Variants in BMPR1B observed in about 807,000 individuals in gnomAD.
BMPR1B encodes bone morphogenetic protein receptor type 1B.
A neutral mutation model predicts 59.1 loss-of-function variants in BMPR1B; 12 were observed. That is an observed-to-expected ratio of 0.20 (90% confidence interval 0.13 to 0.33). The LOEUF (loss-of-function observed/expected upper bound fraction) is 0.33. Among genes scored for constraint, BMPR1B ranks in the 10% least tolerant of loss-of-function variants. The probability of loss-of-function intolerance (pLI) is 1.00; values close to 1 mark genes in which losing one functional copy is unlikely to be tolerated. For missense variants in BMPR1B, 550 were observed against 610.9 expected, an observed-to-expected ratio of 0.90 and a Z score of 1.05; for synonymous variants, 237 against 207.3, an observed-to-expected ratio of 1.14 and a Z score of -1.23.
At chr4:95,078,609 CT>C (rs1381738501) in intron 3 of BMPR1B, among the ~76,000 whole-genome samples, 4 of 152,180 alleles carry the variant, frequency 2.6e-5, no homozygotes, top group African/African-American at 9.7e-5. Context: ...AGCCCATGCA[CT>C]TTCTTCTGTA....
chr4:94,953,376 T>C (rs2149057379), intron 2 of BMPR1B, among the ~76,000 whole-genome samples: 1 of 152,324 alleles, frequency 6.6e-6, no homozygotes, highest in African/African-American at 2.4e-5. Flanking sequence ...TACATTTTGT[T>C]TTGTTTTTAC....
At chr4:95,143,445 T>C (rs1386854209) in intron 10 of BMPR1B, among the ~76,000 whole-genome samples, 3 of 152,054 alleles carry the variant, frequency 2.0e-5, no homozygotes, top group East Asian at 3.9e-4. Context: ...TTTAATTTTC[T>C]TGTCTCTCTC....
intron 1 of BMPR1B, among the ~76,000 whole-genome samples, chr4:94,820,393 A>G (rs1263872499): frequency 6.6e-6 from 1 of 152,230 alleles, no homozygotes; most frequent in Non-Finnish European, 1.5e-5. Flanking sequence ...GCAATTTGCC[A>G]GTTGAAGTAA....
chr4:94,868,876 A>G (rs1482319804), intron 1 of BMPR1B, among the ~76,000 whole-genome samples: 2 of 152,142 alleles, frequency 1.3e-5, no homozygotes, highest in Admixed American at 6.5e-5. Context: ...TGAAGGCTTG[A>G]ATGTTGTAGC....
intron 1 of BMPR1B, among the ~76,000 whole-genome samples, chr4:94,819,242 A>G (rs140419070): frequency 2.1e-4 from 32 of 151,986 alleles, no homozygotes; most frequent in African/African-American, 7.5e-4. Flanking sequence ...GCCATAATAT[A>G]TTTCTCCCTC....
chr4:94,811,941 A>G (rs1723833143), intron 1 of BMPR1B, among the ~76,000 whole-genome samples: 1 of 152,218 alleles, frequency 6.6e-6, no homozygotes, highest in Admixed American at 6.5e-5. Context: ...TGAGATGTAA[A>G]GGGTCCCCAT....
chr4:95,085,836 A>G (rs1729530973), intron 3 of BMPR1B, among the ~76,000 whole-genome samples: 1 of 152,122 alleles, frequency 6.6e-6, no homozygotes, highest in Non-Finnish European at 1.5e-5. Context: ...TTGAAGTTTT[A>G]TATTTTTGAT....
At chr4:94,792,614 A>C (rs1380147406) in intron 1 of BMPR1B, among the ~76,000 whole-genome samples, 1 of 152,168 alleles carries the variant, frequency 6.6e-6, no homozygotes, top group Non-Finnish European at 1.5e-5. Context: ...AAAATATCTA[A>C]AACTAATTGT....
intron 1 of BMPR1B, among the ~76,000 whole-genome samples, chr4:94,823,834 G>A (rs1013344770): frequency 1.5e-4 from 23 of 151,900 alleles, no homozygotes; most frequent in Middle Eastern, 3.4e-3. Context: ...TGCAAGCTCC[G>A]TCTCCTTGGT....
In BMPR1B at chr4:95,115,285, A is replaced by G. The variant is rs1184358778; in HGVS notation, c.247-400A>G. Among the ~76,000 whole-genome samples the G allele has an allele frequency of 3.3e-5, 5 of 152,304 alleles. No individual in the cohort carries two copies. In the East Asian group the frequency reaches 9.7e-4, roughly 29 times the overall value. ...GTGACACATGATTGTAATTTAGAAAACTGAAATTTTCCATTGGACCAATTC... is the reference window on the plus strand; with the variant it reads ...GTGACACATGATTGTAATTTAGAAAGCTGAAATTTTCCATTGGACCAATTC... On this transcript the variant is annotated intron_variant, in intron 5 of 12. Transcript: ENST00000515059.
chr4:95,128,964 C>T (rs1733100163), intron 8 of BMPR1B, among the ~76,000 whole-genome samples: 1 of 151,954 alleles, frequency 6.6e-6, no homozygotes, highest in Non-Finnish European at 1.5e-5. Flanking sequence ...TCTCTCCCTC[C>T]ATTTTTTTTT....
At chr4:95,119,507 A>G (rs982714344) in intron 6 of BMPR1B, among the ~76,000 whole-genome samples, 3 of 152,208 alleles carry the variant, frequency 2.0e-5, no homozygotes, top group African/African-American at 7.2e-5. Context: ...ACTAAGCAGC[A>G]TGTTTAGACA....
At chr4:94,971,080 A>G (rs563663874) in intron 2 of BMPR1B, among the ~76,000 whole-genome samples, 4 of 152,202 alleles carry the variant, frequency 2.6e-5, no homozygotes, top group South Asian at 2.1e-4. Context: ...AGCAATATCA[A>G]TAATGATTTT....
In BMPR1B at chr4:94,840,531, A is replaced by G. The variant is rs1174213789; in HGVS notation, c.-182-35300A>G. Among the ~76,000 whole-genome samples, 5 of 145,790 alleles carry G rather than the reference A, an allele frequency of 3.4e-5. 1 individual carries two copies. Among genetic ancestry groups the G allele is most frequent in the Admixed American group, 3.4e-4 (5 of 14,706 alleles). On this transcript the variant is annotated intron_variant, in intron 1 of 12. Coordinates refer to ENST00000515059, the MANE Select transcript of BMPR1B (RefSeq NM_001203.3). ...ATTCATTTCACCTTCCATTGCTGAT[A>G]CCCTTTCTTCCAGTTGATCGCATCG...
intron 1 of BMPR1B, among the ~76,000 whole-genome samples, chr4:94,836,053 T>G (rs1015019475): frequency 6.7e-6 from 1 of 148,846 alleles, no homozygotes; most frequent in African/African-American, 2.5e-5. Context: ...AATGATGATT[T>G]CCAATTTCAT....
chr4:94,794,305 G>A (rs979981199), intron 1 of BMPR1B, among the ~76,000 whole-genome samples: 4 of 151,152 alleles, frequency 2.6e-5, no homozygotes, highest in African/African-American at 9.8e-5. Context: ...TTTTTCTCAG[G>A]TTTGTCAAAG....
In BMPR1B at chr4:94,928,617, A is replaced by C. The variant is rs373438834; in HGVS notation, c.-113+52717A>C. The stretch of plus-strand genomic sequence containing the variant: ...CAAGTCCCTTAGTAATATAAGAAAA[A>C]ATATTATTGTTTGGCTAGATGCTAA... On this transcript the variant is annotated intron_variant, in intron 2 of 12. Coordinates refer to ENST00000515059, the MANE Select transcript of BMPR1B (RefSeq NM_001203.3). Among the ~76,000 whole-genome samples, 27 of 151,898 alleles carry C rather than the reference A, an allele frequency of 1.8e-4. No individual in the cohort carries two copies. In the South Asian group the frequency reaches 4.4e-3, roughly 25 times the overall value.
At chr4:94,982,694 A>G (rs1470859507) in intron 2 of BMPR1B, among the ~76,000 whole-genome samples, 1 of 152,140 alleles carries the variant, frequency 6.6e-6, no homozygotes, top group Non-Finnish European at 1.5e-5. Flanking sequence ...CCTCTTTACC[A>G]TTAAAAAAAA....
At chr4:95,133,631 G>C (rs1007737634) in intron 10 of BMPR1B, among the ~76,000 whole-genome samples, 1 of 151,972 alleles carries the variant, frequency 6.6e-6, no homozygotes, top group African/African-American at 2.4e-5. Flanking sequence ...GAGTGCAGTG[G>C]CACCATCACA....
Sources: gnomAD v4.1 joint callset for allele counts (sites outside exome capture counted in the v4.1 genomes callset) on GRCh38, gnomAD v4.1.1 for gene constraint, MANE v1.5 for transcripts, NCBI Gene and HGNC (gene_info 2026-07-23, HGNC 2026-07-21) for gene names.